ERN2: variants seen among roughly 807,000 people sequenced by gnomAD.
The protein encoded by ERN2 is endoplasmic reticulum to nucleus signaling 2, also known as serine/threonine-protein kinase/endoribonuclease IRE2.
ERN2 carries 111 observed loss-of-function variants against 107.9 expected under a neutral mutation model. The observed-to-expected ratio is 1.03, with a 90% CI of 0.88 to 1.20. ERN2 has a LOEUF of 1.20. Ranked by LOEUF, ERN2 falls within the 50% of genes most tolerant of loss-of-function variation. ERN2 has a pLI of 0.00. For missense variants in ERN2, 1,225 were observed against 1,197.9 expected (o/e 1.02, Z -0.33); for synonymous variants, 524 against 501.7 (o/e 1.04, Z -0.59).
intron 8 of ERN2, among the ~76,000 whole-genome samples, chr16:23,702,973 C>T (rs1181563976): frequency 6.6e-6 from 1 of 151,980 alleles, no homozygotes; most frequent in Non-Finnish European, 1.5e-5. Flanking sequence ...TGAGAGATCT[C>T]TTTAATCCCC....
In ERN2 at chr16:23,692,303, C is replaced by G. The variant is rs756598396; in HGVS notation, c.2129G>C (p.Gly710Ala). ...PTSAVDIFSA[G>A]CVFYYVLSGG... ...AGAAAGCACGTAGTAGAACACGCAG[C>G]CTGCAGAGAAGATGTCCACAGCGCT... Residue 710 changes from glycine (G) to alanine (A), a missense_variant, in exon 18 of 22, where the codon GGC becomes GCC. Gly to Ala is a moderately conservative substitution (Grantham distance 60). Coordinates refer to ENST00000256797, the MANE Select transcript of ERN2 (RefSeq NM_033266.4). 74 of 1,613,716 alleles carry G rather than the reference C, an allele frequency of 4.6e-5. No individual in the cohort carries two copies. Among genetic ancestry groups the G allele is most frequent in the Non-Finnish European group, 6.0e-5 (71 of 1,180,034 alleles).
In ERN2 at chr16:23,695,230, G is replaced by T. The variant is rs146384779; in HGVS notation, c.1770C>A (p.Ala590=). 7.4e-6 allele frequency: 12 copies of T among 1,614,136 alleles called. No individual in the cohort carries two copies. The highest frequency in any genetic ancestry group is 1.1e-5 in the South Asian group (1 of 91,090). Residue 590 remains alanine, a synonymous_variant, in exon 15 of 22, where the codon GCC becomes GCA. Transcript: ENST00000256797. ...GCAAGGAGGCCCGGCAGAGCTCCAG[G>T]GCAATGTAGTGGAACTGGGGTCCCC... ...TERGPQFHYI[A]LELCRASLQE... is the part of the protein sequence containing the mutation.
intron 19 of ERN2, among the ~76,000 whole-genome samples, chr16:23,691,655 T>G (rs1254436578): frequency 6.6e-6 from 1 of 152,244 alleles, no homozygotes; most frequent in East Asian, 1.9e-4. Flanking sequence ...TGAAGTCTCT[T>G]GCTCAAGTTC....
At position 23,690,497 on chromosome 16, in the gene ERN2, C is replaced by T. The variant is rs1378283236; in HGVS notation, c.*334G>A. On this transcript the variant is annotated 3_prime_UTR_variant, in exon 22 of 22. Coordinates refer to ENST00000256797, the MANE Select transcript of ERN2 (RefSeq NM_033266.4). The stretch of plus-strand genomic sequence containing the variant: ...GGGGTGACAGTGTCTCTCTGTGGAC[C>T]AGGCTGGAGTGCAGTGGCATGATCC... The T allele has an allele frequency of 2.1e-6, 1 of 465,540 alleles. No homozygotes were observed. Among genetic ancestry groups the T allele is most frequent in the Admixed American group, 3.4e-5 (1 of 29,294 alleles). 28.8% of individuals were successfully genotyped at this position (465,540 alleles called of 1,614,324 possible).
In ERN2 at chr16:23,702,410, G is replaced by A; in HGVS notation, c.1061C>T (p.Pro354Leu). The A allele has an allele frequency of 6.2e-7, 1 of 1,613,486 alleles. No individual in the cohort carries two copies. The highest frequency in any genetic ancestry group is 8.5e-7 in the Non-Finnish European group (1 of 1,179,892). ...CTCACCAATGAGCAGCCACTGGCTT[G>A]GGAGGGCCACACTGCCTGAGGGGTA... ...VRYPSGSVALPSQWLLIGHHE... is the reference protein window; with the variant it reads ...VRYPSGSVALLSQWLLIGHHE... Residue 354 changes from proline to leucine, a missense_variant, in exon 10 of 22, where the codon CCA (proline) becomes CTA (leucine). Transcript: ENST00000256797.
At position 23,701,123 on chromosome 16, in the gene ERN2, A is replaced by G. The variant is rs751409930; in HGVS notation, c.1204-9T>C. On this transcript the variant is annotated splice_polypyrimidine_tract_variant and intron_variant, in intron 11 of 21. Transcript: ENST00000256797. The stretch of plus-strand genomic sequence containing the variant: ...CGGCTCAGGCTCAATAGCTGGGGAT[A>G]AAGGGCCCTTCACTTTTAGCACCCC... 6.2e-7 allele frequency: 1 copy of G among 1,611,774 alleles called. No homozygotes were observed. The highest frequency in any genetic ancestry group is 1.1e-5 in the South Asian group (1 of 90,854).
intron 12 of ERN2, 112 bp from the exon 13 acceptor site, chr16:23,700,816 G>T: frequency 6.8e-7 from 1 of 1,471,782 alleles, no homozygotes. Flanking sequence ...TACAGAGCAA[G>T]ATCGCAGGGG....
chr16:23,700,494 C>T (rs1567248039), intron 13 of ERN2, 45 bp downstream of exon 13: 5 of 1,551,658 alleles, frequency 3.2e-6, no homozygotes, highest in Non-Finnish European at 4.4e-6. Context: ...CTGCCCCTGG[C>T]TTTTCTCTGT....
chr16:23,710,378 C>A, intron 3 of ERN2, 134 bp from the exon 4 acceptor site: 1 of 1,171,026 alleles, frequency 8.5e-7, no homozygotes, highest in South Asian at 1.3e-5. Context: ...CCAAGACCCT[C>A]CCCTATATCA....
Position 23,710,121 on chromosome 16 carries a change from C to T in ERN2, c.306+51G>A, listed in dbSNP as rs375164270. ...GCCTCTCCACCTCTCAGTGCTCCAG[C>T]TGACGAAAGCCCTGGCTCTCACCCA... On this transcript the variant is annotated intron_variant, in intron 4 of 21. Transcript: ENST00000256797. The T allele has an allele frequency of 2.5e-4, 328 of 1,291,922 alleles. 1 individual carries two copies. The South Asian group carries it at 3.7e-3, about 14-fold the overall frequency. 80.0% of individuals were successfully genotyped at this position (1,291,922 alleles called of 1,614,324 possible).
At position 23,706,829 on chromosome 16, in the gene ERN2, G is replaced by T. The variant is rs372362744; in HGVS notation, c.412C>A (p.Pro138Thr). 2 of 1,614,006 alleles carry T rather than the reference G, an allele frequency of 1.2e-6. No individual in the cohort carries two copies. Among genetic ancestry groups the T allele is most frequent in the East Asian group, 4.5e-5 (2 of 44,878 alleles). ...RKQDAWFVVD[P>T]ESGETQMTLT... is the part of the protein sequence containing the mutation. ...GTCATCTGGGTCTCCCCTGACTCAG[G>T]GTCCACCACAAACCAGGCATCCTGC... is the stretch of plus-strand genomic sequence containing the variant. Residue 138 changes from proline to threonine, a missense_variant, in exon 6 of 22, where the codon CCT becomes ACT. By Grantham distance (38) the Pro-to-Thr change is conservative. Transcript: ENST00000256797.
Position 23,692,136 on chromosome 16 carries a change from A to G in ERN2, c.2249-46T>C, listed in dbSNP as rs1340096339. 4 of 1,613,842 alleles carry G rather than the reference A, an allele frequency of 2.5e-6. No individual in the cohort carries two copies. The South Asian group carries it at 3.3e-5, about 13-fold the overall frequency. ...AGGAGAGTCTGCTTCAGGCCTGCCTAGCGTCTTGCCCGTCCTCCCTTCTCT... is the reference window on the plus strand; with the variant it reads ...AGGAGAGTCTGCTTCAGGCCTGCCTGGCGTCTTGCCCGTCCTCCCTTCTCT... On this transcript the variant is annotated intron_variant, in intron 18 of 21. Transcript: ENST00000256797.
intron 4 of ERN2, among the ~76,000 whole-genome samples, chr16:23,707,594 A>G (rs771487935): frequency 5.3e-5 from 8 of 152,174 alleles, no homozygotes; most frequent in Admixed American, 1.3e-4. Context: ...ATGTGCCTGT[A>G]GTCCCAGCTA....
chr16:23,712,046 G>C (rs1444852278), intron 1 of ERN2: 3 of 454,090 alleles, frequency 6.6e-6, no homozygotes, highest in Non-Finnish European at 1.3e-5. Flanking sequence ...CTCCCAGCAG[G>C]AGGCCTAACA....
rs1360570999 is a variant in ERN2, at chr16:23,694,761, G to A, written c.2067C>T (p.Pro689=). The change falls in exon 17 of 22, where the codon CCC becomes CCT. Residue 689 remains proline (P), a synonymous_variant. Coordinates refer to ENST00000256797, the MANE Select transcript of ERN2 (RefSeq NM_033266.4). The part of the protein sequence containing the change: ...GIPGTEGWMA[P]ELLQLLPPDS... ...CTGGTGGCAGGAGCTGCAGAAGCTC[G>A]GGCGCCATCCAGCCTTCCGTGCCGG... 2 of 1,610,478 alleles carry A rather than the reference G, an allele frequency of 1.2e-6. No homozygotes were observed. Among genetic ancestry groups the A allele is most frequent in the Non-Finnish European group, 8.5e-7 (1 of 1,179,060 alleles).
At chr16:23,700,260 C>T (rs971378205) in intron 13 of ERN2, among the ~76,000 whole-genome samples, 2 of 152,072 alleles carry the variant, frequency 1.3e-5, no homozygotes, top group African/African-American at 4.8e-5. Context: ...TTTCTTGAGC[C>T]CAGGAGCTTG....
chr16:23,693,576 C>T (rs531555340), intron 17 of ERN2, among the ~76,000 whole-genome samples: 11 of 145,028 alleles, frequency 7.6e-5, no homozygotes, highest in South Asian at 2.2e-4. Context: ...GCAACAAGAG[C>T]GAAACTCCAT....
intron 1 of ERN2, among the ~76,000 whole-genome samples, chr16:23,711,451 G>A (rs527966796): frequency 1.2e-3 from 180 of 152,224 alleles, no homozygotes; most frequent in African/African-American, 4.2e-3. Flanking sequence ...CAAACCCCTG[G>A]GCTCAGCTGA....
intron 13 of ERN2, among the ~76,000 whole-genome samples, chr16:23,698,390 G>A (rs1179286660): frequency 6.6e-6 from 1 of 152,132 alleles, no homozygotes; most frequent in Non-Finnish European, 1.5e-5. Context: ...ATGAGTTAAT[G>A]CATTCAAAGG....
Sources: gnomAD v4.1 joint callset for allele counts (sites outside exome capture counted in the v4.1 genomes callset) on GRCh38, gnomAD v4.1.1 for gene constraint, MANE v1.5 for transcripts, NCBI Gene and HGNC (gene_info 2026-07-23, HGNC 2026-07-21) for gene names.